MYO16: variants seen among roughly 807,000 people sequenced by gnomAD.
MYO16 encodes unconventional myosin-XVI.
In MYO16, 94 loss-of-function variants were observed where a neutral mutation model predicts 205.3. The ratio of observed to expected loss-of-function variants is 0.46; its 90% CI spans 0.39 to 0.54. MYO16 has a LOEUF of 0.54. Among genes scored for constraint, MYO16 ranks in the 20% least tolerant of loss-of-function variants. The probability of loss-of-function intolerance (pLI) is 0.00; values close to 1 mark genes in which losing one functional copy is unlikely to be tolerated. For synonymous variants in MYO16, 988 were observed against 954.0 expected (o/e 1.04, Z -0.66); for missense variants, 2,315 against 2,387.5 (o/e 0.97, Z 0.63).
intron 5 of MYO16, 59 bp downstream of exon 5, chr13:108,785,802 A>G (rs1566327844): frequency 3.6e-6 from 4 of 1,109,290 alleles, no homozygotes; most frequent in African/African-American, 3.1e-5. Context: ...GTAAGTGTGT[A>G]TTCATTTTCA....
chr13:108,555,829 A>G, the MYO16 span, among the ~76,000 whole-genome samples: 1 of 152,162 alleles, frequency 6.6e-6, no homozygotes, highest in Admixed American at 6.5e-5. Context: ...GATTCCACAT[A>G]TAAGTGAGAT....
chr13:109,125,544 G>A lies in MYO16; in HGVS notation c.3782+186G>A, dbSNP rs1409183045. Among the ~76,000 whole-genome samples the A allele has an allele frequency of 2.6e-5, 4 of 152,166 alleles. No individual in the cohort carries two copies. The highest frequency in any genetic ancestry group is 5.9e-5 in the Non-Finnish European group (4 of 68,038). On this transcript the variant is annotated intron_variant, in intron 30 of 34. Transcript: ENST00000457511. The surrounding 1 kb of genome is among the most constrained non-coding windows in gnomAD (Gnocchi z 4.0). Reference sequence around the variant, plus strand: ...ATGCTTTCCTGTGCTGTCTTCTCACGAGTTCAAGGCTTTCTGTGTTCCTTC... The same window carrying A: ...ATGCTTTCCTGTGCTGTCTTCTCACAAGTTCAAGGCTTTCTGTGTTCCTTC...
At chr13:108,949,652 A>AAG (rs1290809932) in intron 16 of MYO16, among the ~76,000 whole-genome samples, 18 of 152,224 alleles carry the variant, frequency 1.2e-4, no homozygotes. Flanking sequence ...TAACAATATT[A>AAG]AGACACGTAT....
rs967025913 is a variant in MYO16, at chr13:109,141,289, C to A, written c.5077C>A (p.Pro1693Thr). Residue 1693 changes from proline (P) to threonine (T), a missense_variant, in exon 32 of 35, where the codon CCC (proline) becomes ACC (threonine). By Grantham distance (38) the Pro-to-Thr change is conservative. Coordinates refer to ENST00000457511, the MANE Select transcript of MYO16 (RefSeq NM_001198950.3). The surrounding 1 kb of genome is among the most constrained non-coding windows in gnomAD (Gnocchi z 4.1). ...TCCCAGCTCCAGGCCTCTCAGCAGC[C>A]CCCTGGACGAGCTCGCCAGCCTCTT... Reference protein sequence around the residue: ...SPPSSRPLSSPLDELASLFNS... With the variant: ...SPPSSRPLSSTLDELASLFNS... 2 of 1,597,418 alleles carry A rather than the reference C, an allele frequency of 1.3e-6. No individual in the cohort carries two copies. The highest frequency in any genetic ancestry group is 1.7e-5 in the Admixed American group (1 of 58,538).
intron 20 of MYO16, among the ~76,000 whole-genome samples, chr13:108,985,509 G>A (rs1195372727): frequency 6.6e-6 from 1 of 152,188 alleles, no homozygotes; most frequent in Non-Finnish European, 1.5e-5. Flanking sequence ...CAGCAGACGT[G>A]GGAGGAGACC....
At chr13:108,588,639 G>T in the MYO16 span, among the ~76,000 whole-genome samples, 1 of 152,122 alleles carries the variant, frequency 6.6e-6, no homozygotes. Context: ...AGGTGGGATT[G>T]CATTTGGGAG....
At chr13:108,575,421 G>A in the MYO16 span, among the ~76,000 whole-genome samples, 45 of 152,220 alleles carry the variant, frequency 3.0e-4, no homozygotes, top group East Asian at 8.5e-3. Context: ...TGCTGCCAAA[G>A]GGACAGCTAG....
chr13:108,659,763 C>G (rs1223159830), intron 1 of MYO16, among the ~76,000 whole-genome samples: 1 of 152,208 alleles, frequency 6.6e-6, no homozygotes, highest in East Asian at 1.9e-4. Context: ...CATTCAACAA[C>G]AACAGCAAAA....
At chr13:109,009,099 AT>A in intron 22 of MYO16, 50 bp downstream of exon 22, 2 of 1,403,642 alleles carry the variant, frequency 1.4e-6, no homozygotes, top group East Asian at 5.0e-5. Context: ...GGGTTTAAAT[AT>A]ACTGGAGACA....
At chr13:109,010,391 G>T (rs1885551785) in intron 22 of MYO16, among the ~76,000 whole-genome samples, 1 of 152,114 alleles carries the variant, frequency 6.6e-6, no homozygotes, top group South Asian at 2.1e-4. Context: ...TAACACACAA[G>T]ATTTTGTTTT....
Position 109,019,836 on chromosome 13 carries a change from C to A in MYO16, c.2721C>A (p.Pro907=). The change falls in exon 23 of 35, where the codon CCC becomes CCA. Residue 907 remains proline (P), a synonymous_variant. Coordinates refer to ENST00000457511, the MANE Select transcript of MYO16 (RefSeq NM_001198950.3). Reference sequence around the variant, plus strand: ...CAAACACAAATGCGGTGTACTCCCCCATGAAGGATGGGAATGGGAATGTTG... The same window carrying A: ...CAAACACAAATGCGGTGTACTCCCCAATGAAGGATGGGAATGGGAATGTTG... ...ESSNTNAVYS[P]MKDGNGNVAL... The A allele has an allele frequency of 1.2e-6, 2 of 1,614,112 alleles. No individual in the cohort carries two copies. Among genetic ancestry groups the A allele is most frequent in the Non-Finnish European group, 1.7e-6 (2 of 1,180,008 alleles).
chr13:109,019,701 T>A lies in MYO16; in HGVS notation c.2596-10T>A, dbSNP rs1193730345. On this transcript the variant is annotated splice_polypyrimidine_tract_variant and intron_variant, in intron 22 of 34. Transcript: ENST00000457511. The stretch of plus-strand genomic sequence containing the variant: ...GACAAAACAACTCCCCATCTCTTCT[T>A]AACTCTCAGAAGCCATCTGGATTTC... The A allele has an allele frequency of 1.2e-6, 2 of 1,607,994 alleles. No individual in the cohort carries two copies. The highest frequency in any genetic ancestry group is 2.2e-5 in the South Asian group (2 of 90,820).
chr13:108,536,496 T>G, the MYO16 span, among the ~76,000 whole-genome samples: 2 of 152,030 alleles, frequency 1.3e-5, no homozygotes, highest in African/African-American at 4.8e-5. Flanking sequence ...GGTTGAATTT[T>G]AACAATAACA....
intron 27 of MYO16, among the ~76,000 whole-genome samples, chr13:109,080,834 C>A (rs1460967803): frequency 2.0e-5 from 3 of 152,116 alleles, no homozygotes; most frequent in Non-Finnish European, 2.9e-5. Flanking sequence ...GTTTTTGCAG[C>A]AACCATTACT....
intron 20 of MYO16, among the ~76,000 whole-genome samples, chr13:108,989,899 A>G (rs952165492): frequency 1.3e-5 from 2 of 152,166 alleles, no homozygotes; most frequent in Admixed American, 1.3e-4. Context: ...GAAACACTAT[A>G]TAACAGCTAT....
intron 27 of MYO16, among the ~76,000 whole-genome samples, chr13:109,092,730 A>T (rs994667069): frequency 6.6e-6 from 1 of 152,192 alleles, no homozygotes; most frequent in Non-Finnish European, 1.5e-5. Context: ...AATAAAAGTT[A>T]AAAAAAGTCA....
At chr13:108,795,001 CATTT>C (rs1886741166) in intron 6 of MYO16, among the ~76,000 whole-genome samples, 1 of 151,906 alleles carries the variant, frequency 6.6e-6, no homozygotes, top group Non-Finnish European at 1.5e-5. Context: ...TAAATTTTTG[CATTT>C]ATTAAGTGCC....
chr13:108,854,032 T>C (rs1388449825), intron 10 of MYO16, among the ~76,000 whole-genome samples: 1 of 150,720 alleles, frequency 6.6e-6, no homozygotes. Flanking sequence ...CTTGCTCTGT[T>C]GTCCAGGCTG....
At chr13:109,024,217 G>T (rs1019372906) in intron 23 of MYO16, among the ~76,000 whole-genome samples, 11 of 151,018 alleles carry the variant, frequency 7.3e-5, no homozygotes, top group Non-Finnish European at 1.2e-4. Context: ...AATTTTTCAG[G>T]CTATATTTTC....
Sources: allele counts gnomAD v4.1 joint callset (sites outside exome capture counted in the v4.1 genomes callset), GRCh38; gene constraint gnomAD v4.1.1; non-coding constraint Gnocchi (gnomAD v3.1); transcripts MANE v1.5; gene names NCBI Gene and HGNC (gene_info 2026-07-23, HGNC 2026-07-21).